GABBR2: variants seen among roughly 807,000 people sequenced by gnomAD.
GABBR2 encodes the protein G-protein coupled receptor 51.
Under a neutral mutation model 105.6 loss-of-function variants are expected in GABBR2, and 23 were observed. The observed-to-expected ratio is 0.22, with a 90% CI of 0.16 to 0.31. The LOEUF (loss-of-function observed/expected upper bound fraction) is 0.31. GABBR2 is among the 10% of genes least tolerant of loss of function. The probability of loss-of-function intolerance (pLI) is 1.00; values close to 1 mark genes in which losing one functional copy is unlikely to be tolerated. For synonymous variants in GABBR2, 478 were observed against 499.7 expected (o/e 0.96, Z 0.58); for missense variants, 734 against 1,245.5 (o/e 0.59, Z 6.18).
chr9:98,497,706 T>C (rs1304501300), intron 3 of GABBR2, among the ~76,000 whole-genome samples: 1 of 152,254 alleles, frequency 6.6e-6, no homozygotes, highest in Non-Finnish European at 1.5e-5. Flanking sequence ...CCCATTAGCA[T>C]GGCTATTACC....
intron 4 of GABBR2, among the ~76,000 whole-genome samples, chr9:98,481,687 G>A (rs1198960039): frequency 3.9e-5 from 6 of 152,174 alleles, no homozygotes; most frequent in Non-Finnish European, 8.8e-5. Flanking sequence ...ATGGTAGTAC[G>A]TTCCTTACCG....
intron 3 of GABBR2, among the ~76,000 whole-genome samples, chr9:98,528,089 C>A (rs1286457897): frequency 6.6e-6 from 1 of 152,044 alleles, no homozygotes; most frequent in East Asian, 1.9e-4. Flanking sequence ...TTACCTGTTT[C>A]TTTTTACTTT....
intron 3 of GABBR2, among the ~76,000 whole-genome samples, chr9:98,531,083 A>T (rs1364381051): frequency 1.3e-5 from 2 of 152,136 alleles, no homozygotes; most frequent in African/African-American, 4.8e-5. Flanking sequence ...TGTTTTGAAG[A>T]AGGCACACTC....
Position 98,302,226 on chromosome 9 carries a change from T to C in GABBR2, c.2412+1015A>G, listed in dbSNP as rs1033922780. 2.6e-5 allele frequency among the ~76,000 whole-genome samples: 4 copies of C among 152,342 alleles called. No individual in the cohort carries two copies. The South Asian group carries it at 8.3e-4, about 32-fold the overall frequency. On this transcript the variant is annotated intron_variant, in intron 16 of 18. Coordinates refer to ENST00000259455, the MANE Select transcript of GABBR2 (RefSeq NM_005458.8). Reference sequence around the variant, plus strand: ...GTGCTCATGTCAGTTTTTGTTGATGTGACTAGGGCAGAACCAAAATATGCA... The same window carrying C: ...GTGCTCATGTCAGTTTTTGTTGATGCGACTAGGGCAGAACCAAAATATGCA...
intron 10 of GABBR2, among the ~76,000 whole-genome samples, chr9:98,386,081 C>G (rs1043807234): frequency 1.3e-5 from 2 of 152,180 alleles, no homozygotes; most frequent in African/African-American, 4.8e-5. Context: ...CCTCAGACAA[C>G]TATATATTTC....
intron 7 of GABBR2, among the ~76,000 whole-genome samples, chr9:98,437,343 T>C (rs1301125071): frequency 6.6e-6 from 1 of 152,006 alleles, no homozygotes; most frequent in Non-Finnish European, 1.5e-5. Flanking sequence ...TCTATGCCTG[T>C]CCACAAACCT....
chr9:98,391,174 C>T (rs1429609933), intron 9 of GABBR2, among the ~76,000 whole-genome samples: 1 of 152,166 alleles, frequency 6.6e-6, no homozygotes, highest in African/African-American at 2.4e-5. Flanking sequence ...AATACACTGT[C>T]CCTGCCTTCA....
intron 14 of GABBR2, among the ~76,000 whole-genome samples, chr9:98,307,858 T>C (rs1262940982): frequency 2.6e-5 from 4 of 152,174 alleles, no homozygotes; most frequent in Non-Finnish European, 4.4e-5. Context: ...GCATGATTGT[T>C]TTCCTCTCCC....
intron 1 of GABBR2, among the ~76,000 whole-genome samples, chr9:98,579,749 AATAAG>A (rs755333447): frequency 7.2e-5 from 11 of 152,360 alleles, no homozygotes; most frequent in Admixed American, 2.6e-4. Context: ...TGAAAAAAGG[AATAAG>A]ATAAGAGTGC....
intron 4 of GABBR2, among the ~76,000 whole-genome samples, chr9:98,483,382 C>A (rs1383657565): frequency 6.6e-6 from 1 of 152,132 alleles, no homozygotes; most frequent in Non-Finnish European, 1.5e-5. Context: ...CCCATCCACC[C>A]ATCGCCACAG....
intron 8 of GABBR2, among the ~76,000 whole-genome samples, chr9:98,404,818 T>C (rs1832460635): frequency 6.6e-6 from 1 of 151,994 alleles, no homozygotes; most frequent in East Asian, 1.9e-4. Context: ...AAAAAATAAA[T>C]GTTCTGTAAA....
Position 98,394,273 on chromosome 9 carries a change from C to G in GABBR2, c.1298-18G>C. 1 of 1,589,116 alleles carries G rather than the reference C, an allele frequency of 6.3e-7. No individual in the cohort carries two copies. The highest frequency in any genetic ancestry group is 8.6e-7 in the Non-Finnish European group (1 of 1,157,280). ...CCTGCTGTCTGTGGGGAGCAAAAGACAGTGGCCAGTTAGACTGGGATCTGG... is the reference window on the plus strand; with the variant it reads ...CCTGCTGTCTGTGGGGAGCAAAAGAGAGTGGCCAGTTAGACTGGGATCTGG... On this transcript the variant is annotated intron_variant, in intron 8 of 18. Transcript: ENST00000259455.
chr9:98,597,404 T>C (rs1304878095), intron 1 of GABBR2, among the ~76,000 whole-genome samples: 1 of 152,230 alleles, frequency 6.6e-6, no homozygotes. Flanking sequence ...ACTGAACTCC[T>C]GAAGCTTGCT....
rs373096564 is a variant in GABBR2, at chr9:98,660,446, A to G, written c.321+47971T>C. Among the ~76,000 whole-genome samples the G allele has an allele frequency of 3.3e-5, 5 of 152,358 alleles. No individual in the cohort carries two copies. In the South Asian group the frequency reaches 8.3e-4, roughly 25 times the overall value. On this transcript the variant is annotated intron_variant, in intron 1 of 18. Transcript: ENST00000259455. The stretch of plus-strand genomic sequence containing the variant: ...ATCCTACTGCATTAATTTTAATTCA[A>G]TTGATAGCTAGCACACATATTTGTG...
At chr9:98,425,202 G>A (rs1019234771) in intron 7 of GABBR2, among the ~76,000 whole-genome samples, 3 of 151,518 alleles carry the variant, frequency 2.0e-5, no homozygotes, top group African/African-American at 7.3e-5. Flanking sequence ...TGAGAAATGG[G>A]GATGAAAAGG....
At chr9:98,617,742 A>C (rs1254043219) in intron 1 of GABBR2, among the ~76,000 whole-genome samples, 1 of 152,076 alleles carries the variant, frequency 6.6e-6, no homozygotes, top group Non-Finnish European at 1.5e-5. Context: ...TTGGCACACA[A>C]AAAAAAGCTT....
chr9:98,602,273 A>T (rs1829350129), intron 1 of GABBR2, among the ~76,000 whole-genome samples: 1 of 151,444 alleles, frequency 6.6e-6, no homozygotes, highest in African/African-American at 2.4e-5. Context: ...GGAGTTTGAG[A>T]CCAGCCTGGC....
At chr9:98,371,954 C>T (rs1219026618) in intron 11 of GABBR2, among the ~76,000 whole-genome samples, 2 of 152,196 alleles carry the variant, frequency 1.3e-5, no homozygotes, top group Non-Finnish European at 2.9e-5. Context: ...TGCTGCCCAG[C>T]CCTCTCCCCA....
intron 1 of GABBR2, among the ~76,000 whole-genome samples, chr9:98,648,106 T>TAGATAGATA (rs1161825943): frequency 1.9e-5 from 2 of 103,724 alleles, no homozygotes; most frequent in East Asian, 2.5e-4. Context: ...TGTGTGTGTG[T>TAGATAGATA]GTGTGTGTGT....
Sources: gnomAD v4.1 joint callset for allele counts (sites outside exome capture counted in the v4.1 genomes callset) on GRCh38, gnomAD v4.1.1 for gene constraint, MANE v1.5 for transcripts, NCBI Gene and HGNC (gene_info 2026-07-23, HGNC 2026-07-21) for gene names.